EIF2AK4: variants seen among roughly 807,000 people sequenced by gnomAD.
EIF2AK4 encodes the protein eIF-2-alpha kinase GCN2.
A neutral mutation model predicts 211.1 loss-of-function variants in EIF2AK4; 139 were observed. The observed-to-expected ratio is 0.66, with a 90% CI of 0.57 to 0.76. The LOEUF is 0.76. EIF2AK4 is among the 30% of genes least tolerant of loss of function. The probability of loss-of-function intolerance (pLI) is 0.00; values close to 1 mark genes in which losing one functional copy is unlikely to be tolerated. For missense variants in EIF2AK4, 1,664 were observed against 2,043.8 expected (o/e 0.81, Z 3.58); for synonymous variants, 710 against 751.3 (o/e 0.94, Z 0.90).
chr15:39,940,710 T>A (rs961374203), intron 2 of EIF2AK4, among the ~76,000 whole-genome samples: 7 of 151,936 alleles, frequency 4.6e-5, no homozygotes, highest in East Asian at 1.9e-4. Flanking sequence ...TGACACCAAA[T>A]ACATGATGCC....
intron 9 of EIF2AK4, among the ~76,000 whole-genome samples, chr15:39,969,542 A>G (rs575847028): frequency 6.6e-6 from 1 of 151,934 alleles, no homozygotes; most frequent in South Asian, 2.1e-4. Context: ...TTGTATTTTT[A>G]GTAGAGACAG....
At chr15:40,011,984 G>T (rs2035241070) in intron 27 of EIF2AK4, among the ~76,000 whole-genome samples, 2 of 152,140 alleles carry the variant, frequency 1.3e-5, no homozygotes, top group Admixed American at 1.3e-4. Context: ...CAGGGATTTT[G>T]TACATTTTCC....
chr15:39,944,695 A>G (rs1475392857), intron 3 of EIF2AK4, among the ~76,000 whole-genome samples: 3 of 152,094 alleles, frequency 2.0e-5, no homozygotes, highest in African/African-American at 7.2e-5. Flanking sequence ...GGCCTCCCAA[A>G]GTGCTGGGAT....
rs866113754 is a variant in EIF2AK4, at chr15:40,034,272, C to A, written c.4774-54C>A. ...AATTTCATTAGTGACCCAGAAAAAA[C>A]CAGCTAGTAAACCCTAGAGACCTGT... On this transcript the variant is annotated intron_variant, in intron 37 of 38. Coordinates refer to ENST00000263791, the MANE Select transcript of EIF2AK4 (RefSeq NM_001013703.4). The A allele has an allele frequency of 3.5e-5, 50 of 1,426,074 alleles. 2 individuals carry two copies. In the Middle Eastern group the frequency reaches 5.5e-3, roughly 158 times the overall value. The allele number at this position is 1,426,074 out of a possible 1,614,324, so 88.3% of individuals were successfully genotyped here.
intron 25 of EIF2AK4, among the ~76,000 whole-genome samples, chr15:40,008,947 A>T (rs1456348146): frequency 2.0e-5 from 3 of 152,220 alleles, no homozygotes; most frequent in African/African-American, 7.2e-5. Flanking sequence ...TGTGGACAAA[A>T]GTTAACAATA....
At chr15:39,955,852 A>C (rs1343932150) in intron 6 of EIF2AK4, 84 bp downstream of exon 6, 17 of 1,438,312 alleles carry the variant, frequency 1.2e-5, no homozygotes, top group Admixed American at 2.6e-5. Context: ...AATTTGATGG[A>C]AATTTCAGGC....
In EIF2AK4 at chr15:39,967,673, C is replaced by T; in HGVS notation, c.1347C>T (p.Arg449=). Residue 449 remains arginine (R), a synonymous_variant, in exon 9 of 39, where the codon CGC becomes CGT. Transcript: ENST00000263791. ...TTACGGACTATAGCATTTCTAAGCGCCTCGCAGACATTTGCAAGGAGGATG... is the reference window on the plus strand; with the variant it reads ...TTACGGACTATAGCATTTCTAAGCGTCTCGCAGACATTTGCAAGGAGGATG... ...VKITDYSISK[R]LADICKEDVF... is the part of the protein sequence containing the mutation. 1 of 1,614,166 alleles carries T rather than the reference C, an allele frequency of 6.2e-7. No homozygotes were observed. The highest frequency in any genetic ancestry group is 1.6e-4 in the Middle Eastern group (1 of 6,062).
Position 39,983,677 on chromosome 15 carries a change from G to C in EIF2AK4, c.2320-2128G>C, listed in dbSNP as rs769937402. Among the ~76,000 whole-genome samples, 8 of 152,192 alleles carry C rather than the reference G, an allele frequency of 5.3e-5. 1 individual carries two copies. Among genetic ancestry groups the C allele is most frequent in the Non-Finnish European group, 1.0e-4 (7 of 68,026 alleles). On this transcript the variant is annotated intron_variant, in intron 13 of 38. Transcript: ENST00000263791. ...GGCTCGTCTCATACGCCCGACCTCA[G>C]GTGAACCGACTGCCTCGGCCTTCCA...
chr15:39,996,438 C>T (rs1337902889), intron 18 of EIF2AK4, among the ~76,000 whole-genome samples: 1 of 152,224 alleles, frequency 6.6e-6, no homozygotes, highest in Non-Finnish European at 1.5e-5. Context: ...GGCGTGTTGG[C>T]TCATGCCTGT....
intron 8 of EIF2AK4, among the ~76,000 whole-genome samples, chr15:39,966,996 G>GT (rs1367701458): frequency 6.6e-6 from 1 of 152,114 alleles, no homozygotes; most frequent in African/African-American, 2.4e-5. Context: ...ATTAAAGTTT[G>GT]TTTTTTCTAG....
At chr15:39,986,639 A>C (rs2034869356) in intron 14 of EIF2AK4, among the ~76,000 whole-genome samples, 2 of 152,202 alleles carry the variant, frequency 1.3e-5, no homozygotes, top group Admixed American at 6.5e-5. Context: ...GGATCACCTG[A>C]GGTCAGGAGT....
At chr15:39,957,378 C>T (rs939519067) in intron 6 of EIF2AK4, among the ~76,000 whole-genome samples, 4 of 151,990 alleles carry the variant, frequency 2.6e-5, no homozygotes, top group Non-Finnish European at 5.9e-5. Flanking sequence ...CAAGACCAGC[C>T]TGGGCAACAA....
intron 8 of EIF2AK4, 81 bp downstream of exon 8, chr15:39,965,924 T>G: frequency 6.5e-7 from 1 of 1,549,764 alleles, no homozygotes; most frequent in Non-Finnish European, 8.7e-7. Context: ...GCCCTGCATT[T>G]GTTTGCCCTG....
intron 28 of EIF2AK4, 91 bp from the exon 29 acceptor site, chr15:40,017,017 T>A (rs1595431451): frequency 1.3e-6 from 2 of 1,495,948 alleles, no homozygotes; most frequent in Non-Finnish European, 1.8e-6. Flanking sequence ...ATTGTTCTGA[T>A]GCTATTGATG....
chr15:40,027,645 C>T (rs1334784614), intron 33 of EIF2AK4, among the ~76,000 whole-genome samples: 1 of 152,116 alleles, frequency 6.6e-6, no homozygotes, highest in East Asian at 1.9e-4. Context: ...AATCCCAGCA[C>T]TTTGGGAGGC....
chr15:40,030,812 A>G (rs1337739707), intron 35 of EIF2AK4, among the ~76,000 whole-genome samples: 1 of 152,184 alleles, frequency 6.6e-6, no homozygotes, highest in African/African-American at 2.4e-5. Flanking sequence ...CATTCCATAC[A>G]TGGTTTCGGC....
chr15:39,976,285 G>A, intron 11 of EIF2AK4, 129 bp from the exon 12 acceptor site: 1 of 949,162 alleles, frequency 1.1e-6, no homozygotes, highest in Non-Finnish European at 1.5e-6. Context: ...TTTCAGGCAT[G>A]TGGTTCTTGA....
intron 6 of EIF2AK4, among the ~76,000 whole-genome samples, chr15:39,958,289 A>C (rs902565001): frequency 6.6e-6 from 1 of 152,222 alleles, no homozygotes; most frequent in Non-Finnish European, 1.5e-5. Flanking sequence ...ACCTTCACAT[A>C]TTCAGACTTG....
intron 11 of EIF2AK4, among the ~76,000 whole-genome samples, chr15:39,975,742 AAATC>A (rs1254910362): frequency 6.6e-6 from 1 of 152,246 alleles, no homozygotes; most frequent in African/African-American, 2.4e-5. Context: ...GTATATAACA[AAATC>A]AATGGGCAGT....
Sources: gnomAD v4.1 joint callset for allele counts (sites outside exome capture counted in the v4.1 genomes callset) on GRCh38, gnomAD v4.1.1 for gene constraint, MANE v1.5 for transcripts, NCBI Gene and HGNC (gene_info 2026-07-23, HGNC 2026-07-21) for gene names.